CCDC57: variants seen among roughly 807,000 people sequenced by gnomAD.
CCDC57 encodes coiled-coil domain containing 57.
In CCDC57, 118 loss-of-function variants were observed where a neutral mutation model predicts 118.9. The ratio of observed to expected loss-of-function variants is 0.99; its 90% CI spans 0.86 to 1.16. The LOEUF (loss-of-function observed/expected upper bound fraction) is 1.16, where lower values mean the gene tolerates loss of function less well. Among genes scored for constraint, CCDC57 ranks in the 50% most tolerant of loss-of-function variants. The pLI is 0.00. For missense variants in CCDC57, 1,300 were observed against 1,320.7 expected (o/e 0.98, Z 0.24); for synonymous variants, 527 against 532.9 (o/e 0.99, Z 0.15).
intron 15 of CCDC57, 77 bp from the exon 15 acceptor site, chr17:82,151,850 G>A: frequency 7.7e-7 from 1 of 1,290,744 alleles, no homozygotes; most frequent in Non-Finnish European, 1.1e-6. Flanking sequence ...CACCCAAGGA[G>A]CCTCTTCACC....
At position 82,101,871 on chromosome 17, in the gene CCDC57, C is replaced by T. The variant is rs768918447; in HGVS notation, c.2900-5G>A. On this transcript the variant is annotated splice_region_variant and splice_polypyrimidine_tract_variant and intron_variant, in intron 19 of 19. Coordinates refer to ENST00000665763, the Ensembl canonical transcript of CCDC57. ...CTGCTGGAGGAGCTGGGAGCTCTGT[C>T]AGGTAAAGAGGAAAAAACAGCATGC... is the stretch of plus-strand genomic sequence containing the variant. 3 of 1,565,728 alleles carry T rather than the reference C, an allele frequency of 1.9e-6. No individual in the cohort carries two copies. Among genetic ancestry groups the T allele is most frequent in the East Asian group, 4.6e-5 (2 of 43,788 alleles).
intron 19 of CCDC57, 47 bp downstream of exon 18, chr17:82,127,645 C>A: frequency 6.5e-7 from 1 of 1,544,146 alleles, no homozygotes. Flanking sequence ...GGGTGGCCCT[C>A]GCCAGCTGCC....
intron 16 of CCDC57, among the ~76,000 whole-genome samples, chr17:82,151,069 A>T (rs1442493308): frequency 3.6e-4 from 26 of 71,720 alleles, no homozygotes; most frequent in African/African-American, 4.7e-4. Flanking sequence ...ACCCAGAACC[A>T]GGCGCACACT....
intron 5 of CCDC57, among the ~76,000 whole-genome samples, chr17:82,194,521 G>A (rs539271945): frequency 2.0e-5 from 3 of 152,052 alleles, no homozygotes; most frequent in Non-Finnish European, 4.4e-5. Context: ...TGTTGGCCAG[G>A]CTGGTCTCAA....
Position 82,110,254 on chromosome 17 carries a change from A to G in CCDC57, c.2900-8388T>C, listed in dbSNP as rs538919725. Among the ~76,000 whole-genome samples the G allele has an allele frequency of 2.0e-5, 3 of 152,328 alleles. No individual in the cohort carries two copies. The East Asian group carries it at 5.8e-4, about 29-fold the overall frequency. On this transcript the variant is annotated intron_variant, in intron 19 of 19. Transcript: ENST00000665763. The stretch of plus-strand genomic sequence containing the variant: ...CCTCGGCCTCCAAAATGCTGAGATT[A>G]CAGGCGTGAGCTGCCATACCTGGCC...
chr17:82,155,141 C>G (rs368629833), intron 15 of CCDC57: 3 of 152,278 alleles, frequency 2.0e-5, no homozygotes, highest in African/African-American at 7.2e-5. Context: ...TCTGATCACT[C>G]GGGTCAGCTG....
chr17:82,147,508 G>A (rs1200832621), intron 16 of CCDC57, among the ~76,000 whole-genome samples: 1 of 151,248 alleles, frequency 6.6e-6, no homozygotes, highest in Non-Finnish European at 1.5e-5. Flanking sequence ...TGGGTAGGTG[G>A]ATGGATAGAT....
intron 19 of CCDC57, among the ~76,000 whole-genome samples, chr17:82,108,520 A>G (rs1208755265): frequency 6.6e-6 from 1 of 152,174 alleles, no homozygotes; most frequent in African/African-American, 2.4e-5. Context: ...GCTGGCTCTG[A>G]GTTTTAAAGG....
chr17:82,172,755 T>G lies in CCDC57; in HGVS notation c.1612A>C (p.Met538Leu). The G allele has an allele frequency of 6.2e-7, 1 of 1,611,366 alleles. No individual in the cohort carries two copies. ...CTTAGAGCCTCCATTTCTTTCCTCA[T>G]CTGGGCAATCGCGTTTCGCAAGCTC... The change falls in exon 12 of 20, where the codon ATG becomes CTG. Residue 538 changes from methionine to leucine, a missense_variant. Coordinates refer to ENST00000665763, the Ensembl canonical transcript of CCDC57. The surrounding 1 kb of genome is among the most constrained non-coding windows in gnomAD (Gnocchi z 5.2).
chr17:82,166,762 A>T (rs1014156840), intron 13 of CCDC57, among the ~76,000 whole-genome samples: 1 of 152,038 alleles, frequency 6.6e-6, no homozygotes, highest in Non-Finnish European at 1.5e-5. Flanking sequence ...AAAAGAAATT[A>T]GCTGGGTGTG....
chr17:82,191,962 C>A (rs1174229707), intron 7 of CCDC57, among the ~76,000 whole-genome samples: 1 of 151,382 alleles, frequency 6.6e-6, no homozygotes, highest in Non-Finnish European at 1.5e-5. Context: ...GCCACCATGC[C>A]CAACCTAATT....
chr17:82,109,310 C>A (rs543592367), intron 19 of CCDC57, among the ~76,000 whole-genome samples: 1 of 152,224 alleles, frequency 6.6e-6, no homozygotes, highest in Admixed American at 6.5e-5. Context: ...GCCTACGAGG[C>A]GGCTGCGAGG....
intron 13 of CCDC57, among the ~76,000 whole-genome samples, chr17:82,168,792 T>TAAAA (rs57467852): frequency 6.9e-6 from 1 of 144,758 alleles, no homozygotes; most frequent in African/African-American, 2.6e-5. Context: ...TCAATTATCC[T>TAAAA]AAAAAAAAAA....
At chr17:82,108,572 C>T (rs540968964) in intron 19 of CCDC57, among the ~76,000 whole-genome samples, 2 of 152,212 alleles carry the variant, frequency 1.3e-5, no homozygotes, top group Non-Finnish European at 2.9e-5. Context: ...CCAAGACGCA[C>T]AGCAGATTTT....
chr17:82,155,125 G>A (rs937686095), intron 15 of CCDC57: 3 of 152,278 alleles, frequency 2.0e-5, no homozygotes, highest in African/African-American at 7.2e-5. Context: ...CACTGGCGAT[G>A]GGAGCTCTGA....
intron 5 of CCDC57, 185 bp from the exon 5 acceptor site, chr17:82,194,324 T>C: frequency 7.6e-6 from 4 of 528,692 alleles, no homozygotes; most frequent in Non-Finnish European, 6.3e-6. Flanking sequence ...TTTTTTTTCT[T>C]TTTGGAGACA....
chr17:82,208,199 C>T (rs973597240), intron 1 of CCDC57, among the ~76,000 whole-genome samples: 1 of 151,818 alleles, frequency 6.6e-6, no homozygotes, highest in African/African-American at 2.4e-5. Flanking sequence ...TGAGCCACTG[C>T]GCCCAGCCCA....
In CCDC57 at chr17:82,157,743, C is replaced by A; in HGVS notation, c.2241+5G>T. 6.3e-7 allele frequency: 1 copy of A among 1,584,634 alleles called. No individual in the cohort carries two copies. Among genetic ancestry groups the A allele is most frequent in the East Asian group, 2.3e-5 (1 of 43,258 alleles). ...GGGTGGCAGGAGGAGCTAGCGGGCACCCACCTCTCTCCCAAGGGCCACGGC... is the reference window on the plus strand; with the variant it reads ...GGGTGGCAGGAGGAGCTAGCGGGCAACCACCTCTCTCCCAAGGGCCACGGC... On this transcript the variant is annotated splice_donor_5th_base_variant and intron_variant, in intron 15 of 19. Transcript: ENST00000665763.
intron 13 of CCDC57, among the ~76,000 whole-genome samples, chr17:82,163,611 A>G (rs891481220): frequency 1.3e-5 from 2 of 152,230 alleles, no homozygotes; most frequent in African/African-American, 4.8e-5. Flanking sequence ...CTTACCACGT[A>G]ATGTCTGATA....
Sources: allele counts gnomAD v4.1 joint callset (sites outside exome capture counted in the v4.1 genomes callset), GRCh38; gene constraint gnomAD v4.1.1; non-coding constraint Gnocchi (gnomAD v3.1); transcripts MANE v1.5; gene names NCBI Gene and HGNC (gene_info 2026-07-23, HGNC 2026-07-21).